The following NTAQ1 variants were observed in gnomAD, a reference collection of about 807,000 sequenced individuals.
The protein encoded by NTAQ1 is protein N-terminal glutamine amidohydrolase.
In NTAQ1, 21 loss-of-function variants were observed where a neutral mutation model predicts 28.2. The ratio of observed to expected loss-of-function variants is 0.74; its 90% CI spans 0.53 to 1.07. The LOEUF (loss-of-function observed/expected upper bound fraction) is 1.07. Among genes scored for constraint, NTAQ1 ranks in the 50% least tolerant of loss-of-function variants. The probability of loss-of-function intolerance (pLI) is 0.00; values close to 1 mark genes in which losing one functional copy is unlikely to be tolerated. For missense variants in NTAQ1, 264 were observed against 256.6 expected, an observed-to-expected ratio of 1.03 and a Z score of -0.20; for synonymous variants, 105 against 90.0, an observed-to-expected ratio of 1.17 and a Z score of -0.94.
intron 1 of NTAQ1, among the ~76,000 whole-genome samples, chr8:123,425,607 G>A (rs2130192182): frequency 1.3e-5 from 2 of 152,240 alleles, no homozygotes; most frequent in African/African-American, 4.8e-5. Flanking sequence ...ATTTGAGACA[G>A]GCAAGGCAAA....
downstream of NTAQ1, among the ~76,000 whole-genome samples, chr8:123,470,366 T>C (rs1184760154): frequency 6.6e-6 from 1 of 152,236 alleles, no homozygotes; most frequent in Non-Finnish European, 1.5e-5. Context: ...TGTTCACTTA[T>C]CTTTGCTAAG....
intron 1 of NTAQ1, among the ~76,000 whole-genome samples, chr8:123,420,720 G>A (rs899183348): frequency 1.3e-5 from 2 of 149,928 alleles, no homozygotes; most frequent in Non-Finnish European, 3.0e-5. Context: ...AGCTTCCTAA[G>A]TAGCTGGGAG....
intron 6 of NTAQ1, among the ~76,000 whole-genome samples, chr8:123,461,001 C>T (rs769184438): frequency 6.6e-5 from 10 of 152,302 alleles, no homozygotes; most frequent in Non-Finnish European, 1.5e-4. Context: ...TTCCTCCGTA[C>T]AGTGTTTGCA....
chr8:123,432,599 T>C (rs62520983), intron 3 of NTAQ1, among the ~76,000 whole-genome samples: 54,848 of 151,474 alleles, frequency 0.36, 10,037 homozygotes, highest in East Asian at 0.56. Flanking sequence ...CATACCACTG[T>C]ACTCCATCCT....
chr8:123,417,491 G>A (rs185077486), intron 1 of NTAQ1, among the ~76,000 whole-genome samples: 10 of 152,204 alleles, frequency 6.6e-5, no homozygotes, highest in Non-Finnish European at 1.2e-4. Flanking sequence ...TTTGCGCAGG[G>A]CCACGTAGCT....
rs943711582 is a variant in NTAQ1 at position 123,441,076 on chromosome 8, C to G, written c.509-230C>G. Among the ~76,000 whole-genome samples the G allele has an allele frequency of 2.6e-5, 4 of 152,144 alleles. No individual in the cohort carries two copies. The South Asian group carries it at 8.3e-4, about 32-fold the overall frequency. Reference sequence around the variant, plus strand: ...TCTGCTGATCTTTGGAGCTCTGACTCTCTGTGTAGTCCCCTCTTCACTGAT... The same window carrying G: ...TCTGCTGATCTTTGGAGCTCTGACTGTCTGTGTAGTCCCCTCTTCACTGAT... On this transcript the variant is annotated intron_variant, in intron 5 of 5. Transcript: ENST00000287387.
At chr8:123,467,413 A>G (rs551380948) in exon 7 of NTAQ1, among the ~76,000 whole-genome samples, 5 of 152,334 alleles carry the variant, frequency 3.3e-5, no homozygotes, top group African/African-American at 9.6e-5. Flanking sequence ...CACATATTCA[A>G]TGGCATGAGA....
chr8:123,436,700 T>G, intron 4 of NTAQ1, 99 bp downstream of exon 4: 1 of 1,309,964 alleles, frequency 7.6e-7, no homozygotes, highest in South Asian at 1.4e-5. Context: ...TGTAAAGATC[T>G]CGTCTGACAT....
At chr8:123,466,936 CT>C (rs1650527478) in intron 6 of NTAQ1, 1 of 151,926 alleles carries the variant, frequency 6.6e-6, no homozygotes, top group African/African-American at 2.4e-5. Flanking sequence ...TATATAAGTT[CT>C]TTTTTTAATA....
chr8:123,434,626 A>AAAC (rs937674827), intron 3 of NTAQ1, among the ~76,000 whole-genome samples: 4 of 152,172 alleles, frequency 2.6e-5, no homozygotes, highest in South Asian at 2.1e-4. Flanking sequence ...CTCTGTCTCA[A>AAAC]AACAACAACA....
At chr8:123,475,418 T>A in the NTAQ1 span, among the ~76,000 whole-genome samples, 2 of 152,214 alleles carry the variant, frequency 1.3e-5, no homozygotes, top group Non-Finnish European at 2.9e-5. Flanking sequence ...TACTGGGGTT[T>A]CATTGCTTCT....
intron 3 of NTAQ1, among the ~76,000 whole-genome samples, chr8:123,433,411 C>T (rs191654659): frequency 6.6e-6 from 1 of 152,078 alleles, no homozygotes; most frequent in Non-Finnish European, 1.5e-5. Context: ...GGCTCCTGTC[C>T]TCTTCCTTTC....
intron 6 of NTAQ1, among the ~76,000 whole-genome samples, chr8:123,458,688 C>T (rs1425531458): frequency 6.6e-6 from 1 of 150,778 alleles, no homozygotes; most frequent in Non-Finnish European, 1.5e-5. Flanking sequence ...ACGGCGCGAT[C>T]TCGGCTCACT....
intron 1 of NTAQ1, among the ~76,000 whole-genome samples, chr8:123,418,107 C>G (rs972189365): frequency 2.0e-5 from 3 of 152,124 alleles, no homozygotes; most frequent in Non-Finnish European, 4.4e-5. Context: ...TAGCAGTGAA[C>G]AAAATCGACA....
At chr8:123,454,434 T>A (rs960157634) in intron 6 of NTAQ1, among the ~76,000 whole-genome samples, 1 of 152,178 alleles carries the variant, frequency 6.6e-6, no homozygotes, top group East Asian at 1.9e-4. Context: ...AATGGTGCGA[T>A]CTCAGCTCAC....
intron 6 of NTAQ1, among the ~76,000 whole-genome samples, chr8:123,464,658 G>C (rs771592537): frequency 6.6e-6 from 1 of 152,212 alleles, no homozygotes; most frequent in Non-Finnish European, 1.5e-5. Context: ...ACTGGCTAGA[G>C]TGGCCTGTGG....
rs1815919788 is a variant in NTAQ1, at chr8:123,464,661, G to T, written c.373-2418G>T. ...GAGAAATATGTAACTGGCTAGAGTG[G>T]CCTGTGGCAGCAGGACACAGAGGGC... On this transcript the variant is annotated intron_variant, in intron 6 of 6. Transcript: ENST00000650311. Among the ~76,000 whole-genome samples, 4 of 152,206 alleles carry T rather than the reference G, an allele frequency of 2.6e-5. No homozygotes were observed. In the South Asian group the frequency reaches 8.3e-4, roughly 31 times the overall value.
At chr8:123,452,347 A>T (rs1815523065), downstream of NTAQ1, among the ~76,000 whole-genome samples, 1 of 152,254 alleles carries the variant, frequency 6.6e-6, no homozygotes, top group South Asian at 2.1e-4. Context: ...CTGTAATCCT[A>T]GCACTTTGGG....
downstream of NTAQ1, among the ~76,000 whole-genome samples, chr8:123,443,075 A>G (rs1043491519): frequency 6.6e-6 from 1 of 151,504 alleles, no homozygotes; most frequent in Non-Finnish European, 1.5e-5. Flanking sequence ...GCTGGAGTGC[A>G]GTGGCATGAT....
Sources: gnomAD v4.1 joint callset for allele counts (sites outside exome capture counted in the v4.1 genomes callset) on GRCh38, gnomAD v4.1.1 for gene constraint, MANE v1.5 for transcripts, NCBI Gene and HGNC (gene_info 2026-07-23, HGNC 2026-07-21) for gene names.